Variants in RNF2 observed in about 807,000 individuals in gnomAD.
RNF2 encodes the protein ring finger protein 2.
Under a neutral mutation model 37.2 loss-of-function variants are expected in RNF2, and 6 were observed. That is an observed-to-expected ratio of 0.16 (90% CI 0.09 to 0.32). RNF2 has a LOEUF of 0.32. RNF2 is among the 10% of genes least tolerant of loss of function. RNF2 has a pLI of 1.00. For synonymous variants in RNF2, 133 were observed against 132.7 expected (o/e 1.00, Z -0.02); for missense variants, 251 against 404.0 (o/e 0.62, Z 3.25).
At chr1:185,060,728 T>C (rs1485590519) in intron 1 of RNF2, among the ~76,000 whole-genome samples, 3 of 152,080 alleles carry the variant, frequency 2.0e-5, no homozygotes, top group African/African-American at 7.2e-5. Flanking sequence ...GAAACATCCT[T>C]GGAGAAGATG....
chr1:185,078,054 C>T (rs530956732), intron 1 of RNF2, among the ~76,000 whole-genome samples: 13 of 152,060 alleles, frequency 8.5e-5, no homozygotes, highest in South Asian at 2.1e-4. Context: ...GAGACTAGCC[C>T]GGCCAACATG....
At chr1:185,083,437 T>C (rs901645858) in intron 1 of RNF2, among the ~76,000 whole-genome samples, 4 of 152,078 alleles carry the variant, frequency 2.6e-5, no homozygotes, top group African/African-American at 9.7e-5. Context: ...ATACTAACTT[T>C]GGGTCTGTTC....
At chr1:185,077,927 T>C (rs1283242608) in intron 1 of RNF2, among the ~76,000 whole-genome samples, 1 of 152,232 alleles carries the variant, frequency 6.6e-6, no homozygotes, top group Non-Finnish European at 1.5e-5. Flanking sequence ...GATAAGGTAG[T>C]ATTTTCGTTT....
chr1:185,090,380 GA>G (rs1007586709), intron 2 of RNF2, among the ~76,000 whole-genome samples: 34 of 152,312 alleles, frequency 2.2e-4, no homozygotes, highest in African/African-American at 7.9e-4. Flanking sequence ...AGGCAGAGGA[GA>G]ACAGACTTGA....
intron 1 of RNF2, among the ~76,000 whole-genome samples, chr1:185,057,124 A>G (rs1650455611): frequency 6.6e-6 from 1 of 152,088 alleles, no homozygotes; most frequent in Non-Finnish European, 1.5e-5. Context: ...CCTGGGCAAC[A>G]TAATGAAACC....
chr1:185,102,206 A>G lies in RNF2; in HGVS notation c.*1905A>G, dbSNP rs1394937816. The stretch of plus-strand genomic sequence containing the variant: ...TTGGTTGTGTAATCCTTTGTGAAAT[A>G]TAATTCTAGGTATTTGATAGGGTAT... On this transcript the variant is annotated 3_prime_UTR_variant, in exon 7 of 7. Transcript: ENST00000367510. 6.6e-6 allele frequency: 1 copy of G among 152,246 alleles called. No homozygotes were observed. The highest frequency in any genetic ancestry group is 2.4e-5 in the African/African-American group (1 of 41,448). 9.4% of individuals were successfully genotyped at this position (152,246 alleles called of 1,614,324 possible).
intron 1 of RNF2, among the ~76,000 whole-genome samples, chr1:185,086,019 A>T (rs1651587290): frequency 6.6e-6 from 1 of 152,050 alleles, no homozygotes; most frequent in African/African-American, 2.4e-5. Context: ...TTTGCTTAGA[A>T]CCTGCTTTCT....
chr1:185,070,463 G>A (rs1356350589), intron 1 of RNF2, among the ~76,000 whole-genome samples: 2 of 152,040 alleles, frequency 1.3e-5, no homozygotes, highest in East Asian at 1.9e-4. Context: ...TAATGGATCC[G>A]TTTTTCCTTG....
rs889797549 is a variant in RNF2 at position 185,101,338 on chromosome 1, G to A, written c.*1037G>A. ...TGCCACATCAGTTTATAAATTTGGC[G>A]CTCTTTTAATTACACTCTGTAGAAG... On this transcript the variant is annotated 3_prime_UTR_variant, in exon 7 of 7. Coordinates refer to ENST00000367510, the MANE Select transcript of RNF2 (RefSeq NM_007212.4). The A allele has an allele frequency of 2.0e-5, 3 of 152,426 alleles. No individual in the cohort carries two copies. The highest frequency in any genetic ancestry group is 6.6e-5 in the Admixed American group (1 of 15,252). 9.4% of individuals were successfully genotyped at this position (152,426 alleles called of 1,614,324 possible).
intron 1 of RNF2, among the ~76,000 whole-genome samples, chr1:185,068,161 A>G (rs1291734303): frequency 1.3e-5 from 2 of 152,168 alleles, no homozygotes; most frequent in East Asian, 3.9e-4. Flanking sequence ...AATGTATTTC[A>G]CATTTGTTTA....
chr1:185,099,654 T>C (rs1271393532), intron 5 of RNF2, 137 bp from the exon 6 acceptor site: 1 of 710,860 alleles, frequency 1.4e-6, no homozygotes, highest in African/African-American at 1.8e-5. Context: ...GCAGTAAATT[T>C]CTGATATTAT....
intron 1 of RNF2, among the ~76,000 whole-genome samples, chr1:185,053,834 T>C (rs1173769478): frequency 6.6e-6 from 1 of 152,200 alleles, no homozygotes; most frequent in Non-Finnish European, 1.5e-5. Flanking sequence ...TGTGTTTTAA[T>C]AAATAAGATT....
chr1:185,081,220 A>G (rs912564937), intron 1 of RNF2, among the ~76,000 whole-genome samples: 36 of 152,286 alleles, frequency 2.4e-4, no homozygotes, highest in Middle Eastern at 3.4e-3. Context: ...CCTGTAGTGT[A>G]AAAATCCATG....
chr1:185,099,699 G>C, intron 5 of RNF2, 92 bp from the exon 6 acceptor site: 1 of 1,062,260 alleles, frequency 9.4e-7, no homozygotes, highest in African/African-American at 1.6e-5. Flanking sequence ...ATTTTACTTA[G>C]TTTTTAAGAA....
intron 4 of RNF2, among the ~76,000 whole-genome samples, chr1:185,093,640 C>T (rs537195932): frequency 6.6e-6 from 1 of 152,264 alleles, no homozygotes; most frequent in African/African-American, 2.4e-5. Flanking sequence ...CTTCATTGTG[C>T]CATCTAATGG....
chr1:185,056,559 C>T (rs187997712), intron 1 of RNF2, among the ~76,000 whole-genome samples: 55 of 151,852 alleles, frequency 3.6e-4, no homozygotes, highest in African/African-American at 1.2e-3. Context: ...TTTGTAGAGA[C>T]GGGGTTTAGC....
At chr1:185,065,854 T>A (rs1269575174) in intron 1 of RNF2, among the ~76,000 whole-genome samples, 2 of 152,200 alleles carry the variant, frequency 1.3e-5, no homozygotes, top group African/African-American at 4.8e-5. Context: ...GGATGCTTTT[T>A]ATTTCTGTTT....
intron 4 of RNF2, among the ~76,000 whole-genome samples, chr1:185,095,904 T>C (rs917210659): frequency 6.6e-6 from 1 of 152,226 alleles, no homozygotes; most frequent in African/African-American, 2.4e-5. Flanking sequence ...CACTCAAGAT[T>C]GGTGTCATTC....
At chr1:185,072,996 T>G (rs1651031734) in intron 1 of RNF2, among the ~76,000 whole-genome samples, 1 of 151,526 alleles carries the variant, frequency 6.6e-6, no homozygotes, top group Non-Finnish European at 1.5e-5. Flanking sequence ...GTGTTTAGGT[T>G]GTTTAGATTT....
Sources: gnomAD v4.1 joint callset for allele counts (sites outside exome capture counted in the v4.1 genomes callset) on GRCh38, gnomAD v4.1.1 for gene constraint, MANE v1.5 for transcripts, NCBI Gene and HGNC (gene_info 2026-07-23, HGNC 2026-07-21) for gene names.